The following NRCAM variants were observed in gnomAD, a reference collection of about 807,000 sequenced individuals.
The protein encoded by NRCAM is neuronal cell adhesion molecule.
A neutral mutation model predicts 156.5 loss-of-function variants in NRCAM; 83 were observed. That is an observed-to-expected ratio of 0.53 (90% CI 0.44 to 0.64). NRCAM has a LOEUF of 0.64. Among genes scored for constraint, NRCAM ranks in the 30% least tolerant of loss-of-function variants. The probability of loss-of-function intolerance (pLI) is 0.00; values close to 1 mark genes in which losing one functional copy is unlikely to be tolerated. For missense variants in NRCAM, 1,417 were observed against 1,597.3 expected, an observed-to-expected ratio of 0.89 and a Z score of 1.92; for synonymous variants, 538 against 563.9, an observed-to-expected ratio of 0.95 and a Z score of 0.65.
chr7:108,384,019 C>T (rs1171762273), intron 2 of NRCAM, among the ~76,000 whole-genome samples: 1 of 151,970 alleles, frequency 6.6e-6, no homozygotes, highest in Admixed American at 6.6e-5. Context: ...ATAATAGCCT[C>T]CAGCTCTTAT....
chr7:108,268,635 T>A (rs28638296), intron 3 of NRCAM, among the ~76,000 whole-genome samples: 18 of 37,610 alleles, frequency 4.8e-4, no homozygotes, highest in African/African-American at 2.0e-3. Flanking sequence ...TGGGGGGGGG[T>A]TGGGGGGGGC....
intron 18 of NRCAM, 120 bp from the exon 19 acceptor site, chr7:108,191,403 G>C (rs1240537731): frequency 1.3e-6 from 1 of 753,004 alleles, no homozygotes; most frequent in Non-Finnish European, 2.1e-6. Context: ...CCTATGCTTA[G>C]CTGTGAGACA....
At chr7:108,211,332 G>A (rs2084233821) in intron 11 of NRCAM, among the ~76,000 whole-genome samples, 1 of 152,132 alleles carries the variant, frequency 6.6e-6, no homozygotes, top group South Asian at 2.1e-4. Context: ...ACAGGGAGAA[G>A]GAAGTCTCCA....
intron 1 of NRCAM, among the ~76,000 whole-genome samples, chr7:108,442,811 G>A (rs777649473): frequency 5.3e-5 from 8 of 152,112 alleles, no homozygotes; most frequent in Admixed American, 1.3e-4. Context: ...ACAAACTATC[G>A]CCTGTACTCT....
chr7:108,455,033 G>A (rs986893130), intron 1 of NRCAM, among the ~76,000 whole-genome samples: 44 of 152,094 alleles, frequency 2.9e-4, no homozygotes, highest in African/African-American at 1.0e-3. Flanking sequence ...GCCAGCGTAC[G>A]GGGGACGAAG....
At chr7:108,174,497 C>T (rs1182032088) in intron 28 of NRCAM, among the ~76,000 whole-genome samples, 2 of 152,238 alleles carry the variant, frequency 1.3e-5, no homozygotes, top group South Asian at 2.1e-4. Context: ...GTGGCAGGTA[C>T]TCCACTGCTC....
chr7:108,184,781 T>C (rs1294999585), intron 20 of NRCAM, among the ~76,000 whole-genome samples, 167 bp from the exon 21 acceptor site: 1 of 152,144 alleles, frequency 6.6e-6, no homozygotes, highest in Non-Finnish European at 1.5e-5. Context: ...GTTGTCATTA[T>C]CCTCAACATA....
intron 2 of NRCAM, among the ~76,000 whole-genome samples, chr7:108,319,422 C>T (rs1352449495): frequency 2.6e-5 from 4 of 152,178 alleles, no homozygotes; most frequent in African/African-American, 9.7e-5. Flanking sequence ...ATTTACTTAT[C>T]ACCTCGTTAT....
Position 108,183,036 on chromosome 7 carries a change from C to T in NRCAM, c.2305-116G>A, listed in dbSNP as rs535004524. The stretch of plus-strand genomic sequence containing the variant: ...GAAAGTGATCATTGAAATACTAAAA[C>T]ACAAGCTATTAACCATTTTCTCCAG... On this transcript the variant is annotated intron_variant, in intron 22 of 32. Coordinates refer to ENST00000379028, the MANE Select transcript of NRCAM (RefSeq NM_001037132.4). The T allele has an allele frequency of 4.1e-4, 339 of 829,160 alleles. 4 individuals carry two copies. In the South Asian group the frequency reaches 4.7e-3, roughly 12 times the overall value. The allele number at this position is 829,160 out of a possible 1,614,324, so 51.4% of individuals were successfully genotyped here.
At chr7:108,179,378 G>C (rs2062293308) in intron 25 of NRCAM, among the ~76,000 whole-genome samples, 1 of 152,190 alleles carries the variant, frequency 6.6e-6, no homozygotes, top group Non-Finnish European at 1.5e-5. Context: ...CCTGCATCAT[G>C]AATCTTTCAA....
At chr7:108,299,823 G>C (rs2098552259) in intron 3 of NRCAM, among the ~76,000 whole-genome samples, 1 of 152,184 alleles carries the variant, frequency 6.6e-6, no homozygotes, top group African/African-American at 2.4e-5. Context: ...CAGCGATGTG[G>C]TGGTGAAGTA....
At chr7:108,358,771 C>T (rs1054060037) in intron 2 of NRCAM, among the ~76,000 whole-genome samples, 1 of 152,172 alleles carries the variant, frequency 6.6e-6, no homozygotes, top group Non-Finnish European at 1.5e-5. Context: ...CTGAGTACTG[C>T]CTCTGGGTAT....
intron 32 of NRCAM, among the ~76,000 whole-genome samples, chr7:108,157,362 T>C (rs1381279692): frequency 2.0e-5 from 3 of 152,072 alleles, no homozygotes; most frequent in Non-Finnish European, 4.4e-5. Flanking sequence ...TATGACCAAA[T>C]AGATGTAAAC....
rs563715160 is a variant in NRCAM at position 108,336,663 on chromosome 7, C to G, written c.-173-23932G>C. The stretch of plus-strand genomic sequence containing the variant: ...AAACCCAACCTAATTCTATAGAGAT[C>G]TACTAAACCTAAGCTCTCTCTTCAT... On this transcript the variant is annotated intron_variant, in intron 2 of 32. Coordinates refer to ENST00000379028, the MANE Select transcript of NRCAM (RefSeq NM_001037132.4). Among the ~76,000 whole-genome samples the G allele has an allele frequency of 7.9e-5, 12 of 152,296 alleles. 1 individual carries two copies. The South Asian group carries it at 2.5e-3, about 32-fold the overall frequency.
At chr7:108,299,149 T>TAA (rs751614501) in intron 3 of NRCAM, among the ~76,000 whole-genome samples, 22,332 of 79,498 alleles carry the variant, frequency 0.28, 2,942 homozygotes, top group African/African-American at 0.32. Flanking sequence ...AAAAGAAAAG[T>TAA]AAAAAAAAAA....
intron 1 of NRCAM, among the ~76,000 whole-genome samples, chr7:108,440,800 C>T (rs1482090950): frequency 6.6e-6 from 1 of 152,166 alleles, no homozygotes; most frequent in African/African-American, 2.4e-5. Context: ...TTATGGTGTC[C>T]TGGGAATGCC....
chr7:108,188,572 T>C (rs1362867402), intron 20 of NRCAM, among the ~76,000 whole-genome samples: 4 of 151,820 alleles, frequency 2.6e-5, no homozygotes, highest in Non-Finnish European at 5.9e-5. Flanking sequence ...AAAATATCTG[T>C]TGAATGAATG....
At chr7:108,268,636 T>TGGGGGGGGGGAG (rs1300340254) in intron 3 of NRCAM, among the ~76,000 whole-genome samples, 1 of 8,490 alleles carries the variant, frequency 1.2e-4, no homozygotes. Context: ...GGGGGGGGGT[T>TGGGGGGGGGGAG]GGGGGGGGCG....
chr7:108,454,791 TG>T (rs1176062299), intron 1 of NRCAM, among the ~76,000 whole-genome samples: 1 of 152,142 alleles, frequency 6.6e-6, no homozygotes, highest in African/African-American at 2.4e-5. Flanking sequence ...CATCTCCTCC[TG>T]CAAAAGCCTG....
Sources: gnomAD v4.1 joint callset for allele counts (sites outside exome capture counted in the v4.1 genomes callset) on GRCh38, gnomAD v4.1.1 for gene constraint, MANE v1.5 for transcripts, NCBI Gene and HGNC (gene_info 2026-07-23, HGNC 2026-07-21) for gene names.